The following CPZ variants were observed in gnomAD, a reference collection of about 807,000 sequenced individuals.
CPZ encodes the protein carboxypeptidase Z.
A neutral mutation model predicts 61.8 loss-of-function variants in CPZ; 103 were observed. That is an observed-to-expected ratio of 1.67 (90% CI 1.42 to 1.96). The LOEUF (loss-of-function observed/expected upper bound fraction) is 1.96. CPZ is among the 30% of genes most tolerant of loss of function. CPZ has a pLI of 0.00. For missense variants in CPZ, 1,461 were observed against 914.9 expected (o/e 1.60, Z -7.70); for synonymous variants, 551 against 373.7 (o/e 1.47, Z -5.47).
chr4:8,607,972 AG>A (rs1235632830), intron 7 of CPZ, among the ~76,000 whole-genome samples: 1 of 152,166 alleles, frequency 6.6e-6, no homozygotes, highest in African/African-American at 2.4e-5. Flanking sequence ...TACTGTTCGT[AG>A]AGCAGCGGGC....
At chr4:8,610,994 TTTCACTCATTCACTCACTCA>T (rs1395255216) in intron 7 of CPZ, among the ~76,000 whole-genome samples, 33 of 147,048 alleles carry the variant, frequency 2.2e-4, no homozygotes, top group East Asian at 1.3e-3. Context: ...TCACTCACTC[TTTCACTCATTCACTCACTCA>T]TTCACTCATT....
intron 3 of CPZ, chr4:8,602,200 G>C (rs1344212203): frequency 6.6e-6 from 1 of 152,404 alleles, no homozygotes; most frequent in African/African-American, 2.4e-5. Flanking sequence ...ACTTGGCAGC[G>C]GGGCTGGTTG....
At chr4:8,599,418 G>T (rs201983596) in intron 1 of CPZ, 35 bp from the exon 2 acceptor site, 3 of 1,576,460 alleles carry the variant, frequency 1.9e-6, no homozygotes, top group Non-Finnish European at 2.6e-6. Flanking sequence ...GGATGGCGAG[G>T]CAGGTCCCTA....
intron 7 of CPZ, among the ~76,000 whole-genome samples, chr4:8,607,647 C>T (rs1211774062): frequency 3.9e-5 from 6 of 152,208 alleles, no homozygotes; most frequent in Admixed American, 3.3e-4. Context: ...CTCCCCGAGG[C>T]TGGCTGCACT....
intron 7 of CPZ, among the ~76,000 whole-genome samples, chr4:8,608,224 G>T (rs546148413): frequency 2.0e-3 from 303 of 151,992 alleles, no homozygotes; most frequent in African/African-American, 6.7e-3. Flanking sequence ...CCGGAGGCTG[G>T]GCCTGCCCTC....
intron 8 of CPZ, among the ~76,000 whole-genome samples, chr4:8,612,595 A>G (rs1407240425): frequency 1.3e-5 from 2 of 152,216 alleles, no homozygotes; most frequent in African/African-American, 4.8e-5. Context: ...GGGTGGACTG[A>G]TACTACAATT....
chr4:8,592,910 G>C lies in CPZ; in HGVS notation c.77G>C (p.Arg26Pro), dbSNP rs760632747. ...GCCCGGCCGGGGTGCGAGTTTGAGCGGAACCCCGCCGGTAAGGCCGTCCCC... is the reference window on the plus strand; with the variant it reads ...GCCCGGCCGGGGTGCGAGTTTGAGCCGAACCCCGCCGGTAAGGCCGTCCCC... ...AAARPGCEFE[R>P]NPAGECHRPP... is the part of the protein sequence containing the mutation. The change falls in exon 1 of 11, where the codon CGG becomes CCG. Residue 26 changes from arginine (R) to proline (P), a missense_variant. Coordinates refer to ENST00000360986, the MANE Select transcript of CPZ (RefSeq NM_001014447.3). 1 of 1,534,146 alleles carries C rather than the reference G, an allele frequency of 6.5e-7. No individual in the cohort carries two copies.
rs1371111710 is a variant in CPZ at position 8,612,165 on chromosome 4, G to A, written c.1363+3G>A. ...GGACTGGTACAGCTTCACGGGAGGT[G>A]CGGCTTCCGCAGGGCGGGACTGGGC... is the stretch of plus-strand genomic sequence containing the variant. On this transcript the variant is annotated splice_donor_region_variant and intron_variant, in intron 8 of 10. Transcript: ENST00000360986. 4.2e-6 allele frequency: 6 copies of A among 1,445,414 alleles called. No individual in the cohort carries two copies. The highest frequency in any genetic ancestry group is 4.6e-6 in the Non-Finnish European group (5 of 1,091,752). 89.5% of individuals were successfully genotyped at this position (1,445,414 alleles called of 1,614,324 possible). A position where few individuals can be genotyped will look rare whatever the true frequency, so the allele number is the denominator to read the frequency against.
chr4:8,592,967 C>T (rs538269594), intron 1 of CPZ, 46 bp downstream of exon 1: 4 of 1,409,570 alleles, frequency 2.8e-6, no homozygotes, highest in African/African-American at 1.4e-5. Context: ...ACCCTGCAAC[C>T]TCTGGGGAGT....
rs773113975 is a variant in CPZ, at chr4:8,619,492, G to C, written c.1834G>C (p.Glu612Gln). 6.2e-6 allele frequency: 10 copies of C among 1,607,522 alleles called. No homozygotes were observed. In the Admixed American group the frequency reaches 6.7e-5, roughly 11 times the overall value. Residue 612 changes from glutamate (E) to glutamine (Q), a missense_variant, in exon 11 of 11, where the codon GAG becomes CAG. By Grantham distance (29) the Glu-to-Gln change is conservative (BLOSUM62 2). Transcript: ENST00000360986. ...ACTGGGAGGTGCCAGCTCTTTGGGG[G>C]AGGCCACGGAGCCCGACCCGCTCCG... ...DPLGGASSLG[E>Q]ATEPDPLRAR...
chr4:8,600,300 T>A (rs1313753202), intron 2 of CPZ, among the ~76,000 whole-genome samples: 1 of 152,052 alleles, frequency 6.6e-6, no homozygotes, highest in Non-Finnish European at 1.5e-5. Flanking sequence ...AGCAGGGCAA[T>A]GTGAGGCAGA....
chr4:8,610,983 GTCACTCACTCTTTCACTCATTCAC>G (rs1015048966), intron 7 of CPZ, among the ~76,000 whole-genome samples: 2 of 151,536 alleles, frequency 1.3e-5, no homozygotes, highest in Non-Finnish European at 2.9e-5. Flanking sequence ...CATTCACTCA[GTCACTCACTCTTTCACTCATTCAC>G]TCACTCATTC....
chr4:8,618,438 G>T lies in CPZ; in HGVS notation c.1513G>T (p.Gly505Cys), dbSNP rs368940436. 4 of 1,614,048 alleles carry T rather than the reference G, an allele frequency of 2.5e-6. No individual in the cohort carries two copies. The African/African-American group carries it at 4.0e-5, about 16-fold the overall frequency. The part of the protein sequence containing the change: ...LLNFVETVHR[G>C]IKGVVTDKFG... ...CCCTTGGTCTCTTCAGGTGCACCGGGGCATCAAAGGTGTGGTGACAGATAA... is the reference window on the plus strand; with the variant it reads ...CCCTTGGTCTCTTCAGGTGCACCGGTGCATCAAAGGTGTGGTGACAGATAA... Residue 505 changes from glycine (G) to cysteine (C), a missense_variant, in exon 10 of 11, where the codon GGC becomes TGC. Gly to Cys is a radical substitution (Grantham distance 159). Coordinates refer to ENST00000360986, the MANE Select transcript of CPZ (RefSeq NM_001014447.3).
intron 2 of CPZ, chr4:8,599,934 G>C: frequency 5.4e-6 from 1 of 184,222 alleles, no homozygotes; most frequent in Non-Finnish European, 1.1e-5. Context: ...TTTCAAAAGT[G>C]ACGTGGGAGC....
At chr4:8,614,521 C>A in intron 9 of CPZ, 23 bp downstream of exon 9, 1 of 1,609,354 alleles carries the variant, frequency 6.2e-7, no homozygotes, top group Non-Finnish European at 8.5e-7. Flanking sequence ...GGTCTCAGGG[C>A]TCTGGTCCAG....
chr4:8,608,425 CTT>C (rs1715239854), intron 7 of CPZ, among the ~76,000 whole-genome samples: 1 of 152,214 alleles, frequency 6.6e-6, no homozygotes, highest in Non-Finnish European at 1.5e-5. Flanking sequence ...GTTTGTTCTC[CTT>C]TCTGAGGCCA....
At chr4:8,618,684 A>T (rs1022865708) in intron 10 of CPZ, among the ~76,000 whole-genome samples, 156 bp downstream of exon 10, 29 of 152,184 alleles carry the variant, frequency 1.9e-4, no homozygotes, top group Admixed American at 6.5e-4. Context: ...GGTGGGCAGG[A>T]ACCAGGGTCT....
rs948661131 is a variant in CPZ, at chr4:8,607,129, G to A, written c.1069-138G>A. 10 of 1,146,234 alleles carry A rather than the reference G, an allele frequency of 8.7e-6. No individual in the cohort carries two copies. In the African/African-American group the frequency reaches 1.1e-4, roughly 12 times the overall value. The allele number at this position is 1,146,234 out of a possible 1,614,324, so 71.0% of individuals were successfully genotyped here. On this transcript the variant is annotated intron_variant, in intron 6 of 10. Transcript: ENST00000360986. ...CCGCAGGGGCCCAGTGATGGGGGCC[G>A]AGTCCAGCTGGTGCGTTGATGTAGA...
chr4:8,612,815 A>G lies in CPZ; in HGVS notation c.1363+653A>G, dbSNP rs141025436. 1.2e-3 allele frequency among the ~76,000 whole-genome samples: 181 copies of G among 152,314 alleles called. 1 individual carries two copies. The highest frequency in any genetic ancestry group is 2.1e-3 in the Non-Finnish European group (143 of 68,026). On this transcript the variant is annotated intron_variant, in intron 8 of 10. Coordinates refer to ENST00000360986, the MANE Select transcript of CPZ (RefSeq NM_001014447.3). ...CAGATGAGAGCGCTGGGCTCAGCTGAGAGAAGGACTTGCTGGAGGCCCAGG... is the reference window on the plus strand; with the variant it reads ...CAGATGAGAGCGCTGGGCTCAGCTGGGAGAAGGACTTGCTGGAGGCCCAGG...
Sources: allele counts gnomAD v4.1 joint callset (sites outside exome capture counted in the v4.1 genomes callset), GRCh38; gene constraint gnomAD v4.1.1; transcripts MANE v1.5; gene names NCBI Gene and HGNC (gene_info 2026-07-23, HGNC 2026-07-21).